Variants in NLRP8 observed in about 807,000 individuals in gnomAD.
NLRP8 encodes the protein NACHT, LRR and PYD domains-containing protein 8.
A neutral mutation model predicts 88.7 loss-of-function variants in NLRP8; 86 were observed. That is an observed-to-expected ratio of 0.97 (90% CI 0.81 to 1.16). NLRP8 has a LOEUF of 1.16. Among genes scored for constraint, NLRP8 ranks in the 50% most tolerant of loss-of-function variants. The pLI is 0.00. For missense variants in NLRP8, 1,342 were observed against 1,286.5 expected (o/e 1.04, Z -0.66); for synonymous variants, 504 against 494.6 (o/e 1.02, Z -0.25).
In NLRP8 at chr19:55,954,449, T is replaced by C. The variant is rs138817685; in HGVS notation, c.443-52T>C. On this transcript the variant is annotated intron_variant, in intron 2 of 9. Transcript: ENST00000291971. ...GTTTTCTTATTGCTCTATTAGTTCT[T>C]GCAATTCACTCTGATGTCATACCCT... 732 of 1,552,446 alleles carry C rather than the reference T, an allele frequency of 4.7e-4. 3 individuals carry two copies. In the East Asian group the frequency reaches 0.015, roughly 31 times the overall value.
At position 55,979,524 on chromosome 19, in the gene NLRP8, G is replaced by A. The variant is rs779398898; in HGVS notation, c.3007G>A (p.Glu1003Lys). ...AGTCTATGGTATTCTGACCTTGTGCGAGGCCTTCTCAAGCCAAAAGAAGAG... is the reference window on the plus strand; with the variant it reads ...AGTCTATGGTATTCTGACCTTGTGCAAGGCCTTCTCAAGCCAAAAGAAGAG... The change falls in exon 9 of 10, where the codon GAG becomes AAG. Residue 1003 changes from glutamate to lysine, a missense_variant. Physicochemically the swap from Glu to Lys is moderately conservative, Grantham distance 56 (BLOSUM62 1). Coordinates refer to ENST00000291971, the MANE Select transcript of NLRP8 (RefSeq NM_176811.2). 1.4e-5 allele frequency: 23 copies of A among 1,614,082 alleles called. No homozygotes were observed. Among genetic ancestry groups the A allele is most frequent in the African/African-American group, 1.3e-4 (10 of 74,932 alleles).
chr19:55,987,113 A>T (rs539672746), intron 9 of NLRP8, among the ~76,000 whole-genome samples: 17 of 152,204 alleles, frequency 1.1e-4, no homozygotes, highest in Non-Finnish European at 1.9e-4. Flanking sequence ...TCACGCCTAT[A>T]ATCCCAGCAC....
intron 1 of NLRP8, among the ~76,000 whole-genome samples, chr19:55,951,636 G>T (rs1175485547): frequency 6.6e-6 from 1 of 152,148 alleles, no homozygotes; most frequent in Non-Finnish European, 1.5e-5. Flanking sequence ...ATGTAAAATG[G>T]CATAGTATTT....
intron 5 of NLRP8, among the ~76,000 whole-genome samples, 185 bp from the exon 6 acceptor site, chr19:55,970,359 G>T (rs1372125057): frequency 6.6e-6 from 1 of 152,102 alleles, no homozygotes; most frequent in Non-Finnish European, 1.5e-5. Flanking sequence ...AGAGTGTGTT[G>T]GTTTTTGCTG....
chr19:55,971,828 AT>A (rs1306007216), intron 6 of NLRP8, among the ~76,000 whole-genome samples: 2 of 152,152 alleles, frequency 1.3e-5, no homozygotes, highest in Non-Finnish European at 2.9e-5. Context: ...AAGTCTTACT[AT>A]TATCAGTATT....
At chr19:55,960,427 T>C (rs1363371505) in intron 3 of NLRP8, among the ~76,000 whole-genome samples, 3 of 152,164 alleles carry the variant, frequency 2.0e-5, no homozygotes, top group Non-Finnish European at 4.4e-5. Flanking sequence ...GACCTTTTAT[T>C]AGGGAGGGGA....
At chr19:55,986,427 C>G (rs1173953316) in intron 9 of NLRP8, among the ~76,000 whole-genome samples, 1 of 150,200 alleles carries the variant, frequency 6.7e-6, no homozygotes, top group African/African-American at 2.5e-5. Flanking sequence ...CATTCTCTCT[C>G]TCACACACAC....
At chr19:55,986,473 T>TACACACACACACAC (rs896816246) in intron 9 of NLRP8, among the ~76,000 whole-genome samples, 132 of 72,518 alleles carry the variant, frequency 1.8e-3, no homozygotes, top group African/African-American at 4.5e-3. Flanking sequence ...CTCTCTCACA[T>TACACACACACACAC]ACACACACAC....
chr19:55,976,032 A>G (rs889817938), intron 7 of NLRP8, 101 bp from the exon 8 acceptor site: 14 of 1,214,492 alleles, frequency 1.2e-5, no homozygotes, highest in Non-Finnish European at 1.1e-5. Context: ...ACAGAACCCA[A>G]AAACAAAGAA....
intron 9 of NLRP8, among the ~76,000 whole-genome samples, chr19:55,987,189 TG>T (rs1452026313): frequency 6.6e-6 from 1 of 151,934 alleles, no homozygotes; most frequent in Non-Finnish European, 1.5e-5. Flanking sequence ...GCCAACATGG[TG>T]AAATCCTCAT....
At chr19:55,964,760 A>G (rs935873160) in intron 4 of NLRP8, among the ~76,000 whole-genome samples, 5 of 151,884 alleles carry the variant, frequency 3.3e-5, no homozygotes, top group East Asian at 1.9e-4. Flanking sequence ...TCAAAAAAAA[A>G]AAAAAGAAAA....
At chr19:55,985,847 C>A (rs1980783262) in intron 9 of NLRP8, among the ~76,000 whole-genome samples, 1 of 152,076 alleles carries the variant, frequency 6.6e-6, no homozygotes, top group South Asian at 2.1e-4. Context: ...GAAACCCCAT[C>A]TCTATTAAAA....
Position 55,987,803 on chromosome 19 carries a change from C to T in NLRP8, c.3048-11C>T, listed in dbSNP as rs747024818. Reference sequence around the variant, plus strand: ...AACCTCAACCAGCAGCCTTCCTTTACCTCCCTCCAGCTGTATTCCTGCCTG... The same window carrying T: ...AACCTCAACCAGCAGCCTTCCTTTATCTCCCTCCAGCTGTATTCCTGCCTG... On this transcript the variant is annotated splice_polypyrimidine_tract_variant and intron_variant, in intron 9 of 9. Coordinates refer to ENST00000291971, the MANE Select transcript of NLRP8 (RefSeq NM_176811.2). 1.2e-6 allele frequency: 2 copies of T among 1,603,240 alleles called. No individual in the cohort carries two copies. The highest frequency in any genetic ancestry group is 2.7e-5 in the African/African-American group (2 of 74,688).
At chr19:55,957,512 C>T (rs916695924) in intron 3 of NLRP8, among the ~76,000 whole-genome samples, 1 of 151,554 alleles carries the variant, frequency 6.6e-6, no homozygotes, top group African/African-American at 2.4e-5. Flanking sequence ...ATGGTAAAAC[C>T]CCGTTTCTAC....
chr19:55,974,977 C>A (rs1600313339), intron 7 of NLRP8, among the ~76,000 whole-genome samples: 1 of 152,082 alleles, frequency 6.6e-6, no homozygotes, highest in African/African-American at 2.4e-5. Context: ...TGTCCGAGAT[C>A]ACGGTGCTCC....
chr19:55,952,677 A>C, intron 2 of NLRP8, 65 bp downstream of exon 2: 2 of 1,343,288 alleles, frequency 1.5e-6, no homozygotes, highest in Non-Finnish European at 2.1e-6. Context: ...TGAGCTGCTC[A>C]GTTGCTAAGG....
At chr19:55,976,062 T>G in intron 7 of NLRP8, 71 bp from the exon 8 acceptor site, 1 of 1,366,714 alleles carries the variant, frequency 7.3e-7, no homozygotes, top group East Asian at 2.5e-5. Context: ...AAGGGTGTTT[T>G]CGTTGTTGTT....
At chr19:55,960,362 G>A (rs1201670700) in intron 3 of NLRP8, among the ~76,000 whole-genome samples, 2 of 152,010 alleles carry the variant, frequency 1.3e-5, no homozygotes, top group Non-Finnish European at 2.9e-5. Flanking sequence ...AACTTATGTG[G>A]GCAATTCCAA....
At chr19:55,981,867 G>A (rs1461698164) in intron 9 of NLRP8, among the ~76,000 whole-genome samples, 4 of 151,456 alleles carry the variant, frequency 2.6e-5, no homozygotes, top group South Asian at 2.1e-4. Flanking sequence ...TTTTTACAAT[G>A]TAATGATCAG....
Sources: gnomAD v4.1 joint callset for allele counts (sites outside exome capture counted in the v4.1 genomes callset) on GRCh38, gnomAD v4.1.1 for gene constraint, MANE v1.5 for transcripts, NCBI Gene and HGNC (gene_info 2026-07-23, HGNC 2026-07-21) for gene names.